The following PHLDB2 variants were observed in gnomAD, a reference collection of about 807,000 sequenced individuals.
The protein encoded by PHLDB2 is pleckstrin homology-like domain family B member 2.
PHLDB2 carries 71 observed loss-of-function variants against 123.6 expected under a neutral mutation model. That is an observed-to-expected ratio of 0.57 (90% CI 0.47 to 0.70). The LOEUF is 0.70. Ranked by LOEUF, PHLDB2 falls within the 30% of genes least tolerant of loss-of-function variation. PHLDB2 has a pLI of 0.00. For synonymous variants in PHLDB2, 547 were observed against 541.6 expected, an observed-to-expected ratio of 1.01 and a Z score of -0.14; for missense variants, 1,446 against 1,519.5, an observed-to-expected ratio of 0.95 and a Z score of 0.80.
chr3:111,744,692 C>G (rs2059655066), intron 1 of PHLDB2, among the ~76,000 whole-genome samples: 1 of 152,182 alleles, frequency 6.6e-6, no homozygotes. Context: ...TAAATTTTAG[C>G]TCTATTCATT....
intron 1 of PHLDB2, among the ~76,000 whole-genome samples, chr3:111,739,252 T>C (rs1190644855): frequency 6.6e-6 from 1 of 152,146 alleles, no homozygotes; most frequent in Non-Finnish European, 1.5e-5. Context: ...TATAAATTGG[T>C]GAGTCTGGGC....
chr3:111,951,774 C>T (rs1471136633), intron 10 of PHLDB2, among the ~76,000 whole-genome samples: 3 of 150,812 alleles, frequency 2.0e-5, no homozygotes, highest in Non-Finnish European at 3.0e-5. Context: ...TTTTTATTTT[C>T]ATAGTTTTGG....
chr3:111,734,226 A>G (rs1941605478), intron 1 of PHLDB2, among the ~76,000 whole-genome samples: 1 of 152,198 alleles, frequency 6.6e-6, no homozygotes, highest in African/African-American at 2.4e-5. Flanking sequence ...GAGGATGTTC[A>G]TAGATAATGC....
intron 2 of PHLDB2, among the ~76,000 whole-genome samples, chr3:111,909,945 T>C (rs35559101): frequency 0.049 from 7,418 of 152,298 alleles, 278 homozygotes; most frequent in Non-Finnish European, 0.075. Flanking sequence ...ATGTATGTAT[T>C]TATGCAGTAT....
intron 1 of PHLDB2, among the ~76,000 whole-genome samples, chr3:111,877,557 G>T (rs149774688): frequency 6.6e-6 from 1 of 152,270 alleles, no homozygotes; most frequent in East Asian, 1.9e-4. Flanking sequence ...CTGTGCAGAA[G>T]CTCTTTAGTT....
intron 8 of PHLDB2, among the ~76,000 whole-genome samples, chr3:111,943,463 TTGAG>T: frequency 6.6e-6 from 1 of 152,250 alleles, no homozygotes; most frequent in East Asian, 1.9e-4. Flanking sequence ...TTTTATAGCC[TTGAG>T]TAAGCAAAAA....
In PHLDB2 at chr3:111,961,872, G is replaced by A. The variant is rs538458350; in HGVS notation, c.2873-236G>A. 1.6e-4 allele frequency: 81 copies of A among 499,544 alleles called. 1 individual carries two copies. In the South Asian group the frequency reaches 2.2e-3, roughly 14 times the overall value. 30.9% of individuals were successfully genotyped at this position (499,544 alleles called of 1,614,324 possible). On this transcript the variant is annotated intron_variant, in intron 12 of 17. Transcript: ENST00000431670. ...GTGCTGAGATGTAGGAATGCCATAG[G>A]AAAGTGTCAAGTGATCCTGCTGAGG...
chr3:111,869,556 C>T (rs1381388713), intron 1 of PHLDB2, among the ~76,000 whole-genome samples: 3 of 152,186 alleles, frequency 2.0e-5, no homozygotes, highest in Non-Finnish European at 4.4e-5. Context: ...TGGTCCCCAG[C>T]GGCCCTCACC....
At chr3:111,780,315 G>GAGGAA (rs754733203) in intron 1 of PHLDB2, among the ~76,000 whole-genome samples, 1,278 of 4,958 alleles carry the variant, frequency 0.26, 557 homozygotes, top group East Asian at 0.53. Flanking sequence ...AAGAGGAAGA[G>GAGGAA]GAAGAGGAAG....
intron 13 of PHLDB2, among the ~76,000 whole-genome samples, chr3:111,963,248 T>C (rs1347712531): frequency 6.6e-6 from 1 of 152,146 alleles, no homozygotes; most frequent in African/African-American, 2.4e-5. Context: ...CCGATAAACC[T>C]CACAGAGCTT....
At chr3:111,823,242 CT>C (rs2062492312) in intron 1 of PHLDB2, among the ~76,000 whole-genome samples, 1 of 152,184 alleles carries the variant, frequency 6.6e-6, no homozygotes, top group African/African-American at 2.4e-5. Context: ...ACAGTTCCCC[CT>C]AATGAGAGCT....
At chr3:111,899,732 T>G (rs1286356789) in intron 2 of PHLDB2, among the ~76,000 whole-genome samples, 2 of 152,200 alleles carry the variant, frequency 1.3e-5, no homozygotes, top group Admixed American at 1.3e-4. Context: ...CTGTCTAGCT[T>G]TGTAAGTCCT....
intron 1 of PHLDB2, among the ~76,000 whole-genome samples, chr3:111,737,099 A>G (rs1488835140): frequency 2.6e-5 from 4 of 152,168 alleles, no homozygotes. Context: ...TGTAGTTTCA[A>G]CCCTACAGAA....
intron 13 of PHLDB2, among the ~76,000 whole-genome samples, chr3:111,963,214 C>A (rs1271410617): frequency 6.6e-6 from 1 of 152,104 alleles, no homozygotes; most frequent in Non-Finnish European, 1.5e-5. Context: ...CACTCTAGGT[C>A]CAGCCCAACT....
At chr3:111,865,775 T>TA (rs61210732) in intron 1 of PHLDB2, among the ~76,000 whole-genome samples, 2,532 of 150,594 alleles carry the variant, frequency 0.017, 29 homozygotes, top group African/African-American at 0.036. Context: ...CCAGAGTTAT[T>TA]AAAAAAAAAG....
At chr3:111,950,233 T>A (rs749624639) in intron 10 of PHLDB2, among the ~76,000 whole-genome samples, 1 of 152,228 alleles carries the variant, frequency 6.6e-6, no homozygotes, top group African/African-American at 2.4e-5. Context: ...TAAAGAGTTA[T>A]CTTATCAACA....
At chr3:111,739,602 A>G (rs1167409058) in intron 1 of PHLDB2, among the ~76,000 whole-genome samples, 1 of 137,608 alleles carries the variant, frequency 7.3e-6, no homozygotes, top group Non-Finnish European at 1.5e-5. Flanking sequence ...ACAAACAAAA[A>G]AAAAAAACAA....
chr3:111,881,980 A>G (rs1018513960), intron 1 of PHLDB2, among the ~76,000 whole-genome samples: 1 of 152,188 alleles, frequency 6.6e-6, no homozygotes, highest in African/African-American at 2.4e-5. Context: ...CTGTGTGTGT[A>G]TAATCCATGT....
chr3:111,905,649 C>A (rs1427360034), intron 2 of PHLDB2, among the ~76,000 whole-genome samples: 3 of 152,066 alleles, frequency 2.0e-5, no homozygotes, highest in Admixed American at 6.5e-5. Flanking sequence ...AGCCACCACA[C>A]CCTACCTTAA....
Sources: gnomAD v4.1 joint callset for allele counts (sites outside exome capture counted in the v4.1 genomes callset) on GRCh38, gnomAD v4.1.1 for gene constraint, MANE v1.5 for transcripts, NCBI Gene and HGNC (gene_info 2026-07-23, HGNC 2026-07-21) for gene names.